PCDH15: variants seen among roughly 807,000 people sequenced by gnomAD.
The protein encoded by PCDH15 is protocadherin related 15, also known as protocadherin-15.
Under a neutral mutation model 178.5 loss-of-function variants are expected in PCDH15, and 129 were observed. That is an observed-to-expected ratio of 0.72 (90% CI 0.63 to 0.84). The LOEUF is 0.84. PCDH15 is among the 40% of genes least tolerant of loss of function. The pLI, the probability that PCDH15 is intolerant of heterozygous loss-of-function variation, is 0.00. For synonymous variants in PCDH15, 800 were observed against 732.0 expected (o/e 1.09, Z -1.50); for missense variants, 2,230 against 2,099.9 (o/e 1.06, Z -1.21).
intron 2 of PCDH15, among the ~76,000 whole-genome samples, chr10:55,117,235 A>G (rs1837648701): frequency 6.6e-6 from 1 of 152,210 alleles, no homozygotes; most frequent in Non-Finnish European, 1.5e-5. Flanking sequence ...AGGGAAATAA[A>G]GGCTGTTCTT....
chr10:55,242,475 A>G (rs1028037770), intron 1 of PCDH15, among the ~76,000 whole-genome samples: 1 of 152,188 alleles, frequency 6.6e-6, no homozygotes, highest in African/African-American at 2.4e-5. Flanking sequence ...AGCCTTTTCT[A>G]AAATCAATTT....
At chr10:55,416,055 A>G (rs554293344) in intron 2 of PCDH15, among the ~76,000 whole-genome samples, 7 of 39,244 alleles carry the variant, frequency 1.8e-4, no homozygotes, top group Non-Finnish European at 2.8e-4. Flanking sequence ...AAACAAGCAA[A>G]CAAACAAACA....
intron 1 of PCDH15, among the ~76,000 whole-genome samples, chr10:55,195,181 G>T (rs947769892): frequency 6.6e-6 from 1 of 151,632 alleles, no homozygotes; most frequent in Non-Finnish European, 1.5e-5. Flanking sequence ...CAGCCACCAC[G>T]CCTGGCTAAC....
At chr10:55,604,905 C>T (rs1417375799) in intron 2 of PCDH15, among the ~76,000 whole-genome samples, 1 of 149,698 alleles carries the variant, frequency 6.7e-6, no homozygotes, top group African/African-American at 2.5e-5. Flanking sequence ...CAGAGCAGAA[C>T]TGAAGGAAAT....
chr10:54,356,789 A>G (rs577229761), intron 5 of PCDH15, among the ~76,000 whole-genome samples: 1 of 151,998 alleles, frequency 6.6e-6, no homozygotes, highest in East Asian at 1.9e-4. Flanking sequence ...CAAACAGGAC[A>G]TTAGGTAAAA....
intron 21 of PCDH15, among the ~76,000 whole-genome samples, chr10:53,967,162 G>A (rs2089122146): frequency 6.6e-6 from 1 of 152,120 alleles, no homozygotes; most frequent in Non-Finnish European, 1.5e-5. Context: ...GGGACAATGA[G>A]TGGCTTCTCA....
At chr10:54,499,221 T>C (rs1350146212) in intron 3 of PCDH15, among the ~76,000 whole-genome samples, 1 of 152,030 alleles carries the variant, frequency 6.6e-6, no homozygotes, top group Admixed American at 6.6e-5. Context: ...ACAATGATAA[T>C]AGGAGACTTC....
intron 2 of PCDH15, among the ~76,000 whole-genome samples, chr10:55,388,079 A>C (rs954902805): frequency 1.4e-4 from 21 of 152,068 alleles, no homozygotes; most frequent in African/African-American, 5.1e-4. Context: ...CAAAATCAGA[A>C]AAATAGTGGT....
intron 2 of PCDH15, among the ~76,000 whole-genome samples, chr10:55,408,606 TA>T (rs1445747147): frequency 6.6e-6 from 1 of 152,154 alleles, no homozygotes; most frequent in East Asian, 1.9e-4. Flanking sequence ...AAAATCACAT[TA>T]AAATATTGAA....
At chr10:55,013,834 G>T (rs772856488) in intron 2 of PCDH15, among the ~76,000 whole-genome samples, 1 of 151,992 alleles carries the variant, frequency 6.6e-6, no homozygotes, top group Non-Finnish European at 1.5e-5. Flanking sequence ...CAGTGAATAT[G>T]CAAATGAATA....
chr10:54,320,574 A>G (rs2061534670), intron 7 of PCDH15, among the ~76,000 whole-genome samples: 1 of 89,760 alleles, frequency 1.1e-5, no homozygotes, highest in African/African-American at 3.6e-5. Flanking sequence ...GCGTATGTGT[A>G]TATTTTAAAT....
At chr10:55,524,050 T>C (rs1229902045) in intron 2 of PCDH15, among the ~76,000 whole-genome samples, 1 of 139,398 alleles carries the variant, frequency 7.2e-6, no homozygotes, top group Admixed American at 7.4e-5. Flanking sequence ...CTGGCGTACA[T>C]GTAAAAACCT....
chr10:55,057,988 C>G (rs189667312), intron 2 of PCDH15, among the ~76,000 whole-genome samples: 1 of 151,964 alleles, frequency 6.6e-6, no homozygotes, highest in African/African-American at 2.4e-5. Flanking sequence ...TAACTTGGGC[C>G]TTTTATTTTA....
At chr10:55,240,426 T>C (rs925693334) in intron 1 of PCDH15, among the ~76,000 whole-genome samples, 21 of 152,200 alleles carry the variant, frequency 1.4e-4, no homozygotes, top group Admixed American at 6.5e-5. Flanking sequence ...TAAATAATTA[T>C]GCATGCTAAA....
chr10:55,369,798 C>G (rs1049533363), intron 2 of PCDH15, among the ~76,000 whole-genome samples: 8 of 151,920 alleles, frequency 5.3e-5, no homozygotes, highest in African/African-American at 1.9e-4. Flanking sequence ...ATTGGTCAGC[C>G]AATTGTGTAC....
At chr10:54,069,540 C>T (rs2094200254) in intron 17 of PCDH15, among the ~76,000 whole-genome samples, 1 of 152,078 alleles carries the variant, frequency 6.6e-6, no homozygotes, top group South Asian at 2.1e-4. Flanking sequence ...CACATCTATA[C>T]ATAGAATAAT....
intron 3 of PCDH15, among the ~76,000 whole-genome samples, chr10:54,439,590 GT>G (rs199661424): frequency 0.025 from 3,846 of 151,932 alleles, 166 homozygotes; most frequent in African/African-American, 0.088. Context: ...TTTGGAAGCA[GT>G]GGGGAAAAAA....
intron 2 of PCDH15, among the ~76,000 whole-genome samples, chr10:55,329,092 C>T (rs2132308276): frequency 6.7e-6 from 1 of 150,246 alleles, no homozygotes; most frequent in South Asian, 2.1e-4. Flanking sequence ...ATAAGACATG[C>T]TCCATGGGGG....
intron 1 of PCDH15, among the ~76,000 whole-genome samples, chr10:54,772,593 C>T (rs888433117): frequency 4.9e-3 from 6 of 1,226 alleles, no homozygotes; most frequent in African/African-American, 5.7e-3. Flanking sequence ...CGGAATGGCT[C>T]TTATTAACGT....
Sources: gnomAD v4.1 joint callset for allele counts (sites outside exome capture counted in the v4.1 genomes callset) on GRCh38, gnomAD v4.1.1 for gene constraint, MANE v1.5 for transcripts, NCBI Gene and HGNC (gene_info 2026-07-23, HGNC 2026-07-21) for gene names.